The following PAK6 variants were observed in gnomAD, a reference collection of about 807,000 sequenced individuals.
The protein encoded by PAK6 is serine/threonine-protein kinase PAK 6.
PAK6 carries 33 observed loss-of-function variants against 60.8 expected under a neutral mutation model. The observed-to-expected ratio is 0.54, with a 90% confidence interval of 0.41 to 0.73. PAK6 has a LOEUF of 0.73. PAK6 is among the 30% of genes least tolerant of loss of function. The pLI is 0.00. For synonymous variants in PAK6, 404 were observed against 378.5 expected (o/e 1.07, Z -0.78); for missense variants, 845 against 904.1 (o/e 0.93, Z 0.84).
chr15:40,266,273 C>T (rs370838549), exon 5 of PAK6: 2 of 1,611,468 alleles, frequency 1.2e-6, no homozygotes, highest in African/African-American at 1.3e-5. Context: ...CCACGGGCAC[C>T]AATAGGCATG....
At chr15:40,266,006 C>T (rs1274592863) in exon 5 of PAK6, 2 of 1,600,936 alleles carry the variant, frequency 1.2e-6, no homozygotes, top group Non-Finnish European at 1.7e-6. Context: ...AGCACTGGGC[C>T]ACCGACCCAG....
intron 2 of PAK6, among the ~76,000 whole-genome samples, chr15:40,242,161 G>A (rs1342345967): frequency 6.6e-6 from 1 of 152,296 alleles, no homozygotes; most frequent in Admixed American, 6.5e-5. Flanking sequence ...GGCTGCCTGG[G>A]GTCCTGAGGG....
intron 2 of PAK6, among the ~76,000 whole-genome samples, chr15:40,241,598 C>T (rs920845871): frequency 2.6e-5 from 4 of 152,144 alleles, no homozygotes; most frequent in Non-Finnish European, 5.9e-5. Flanking sequence ...AGGGAAGGGT[C>T]GGCACCAGAG....
intron 3 of PAK6, among the ~76,000 whole-genome samples, chr15:40,261,074 G>C (rs899968691): frequency 6.6e-6 from 1 of 151,726 alleles, no homozygotes; most frequent in African/African-American, 2.4e-5. Context: ...AGTTTTAGTA[G>C]AGACGGGGTT....
At chr15:40,241,406 A>G (rs930823853) in intron 2 of PAK6, among the ~76,000 whole-genome samples, 12 of 152,252 alleles carry the variant, frequency 7.9e-5, no homozygotes, top group African/African-American at 2.9e-4. Context: ...GGATGAGCTT[A>G]GGAGCCGTGT....
intron 3 of PAK6, among the ~76,000 whole-genome samples, chr15:40,263,614 G>A (rs2039039677): frequency 6.6e-6 from 1 of 152,112 alleles, no homozygotes; most frequent in Non-Finnish European, 1.5e-5. Context: ...CAGGTTAAGT[G>A]TTTTATTGTT....
intron 2 of PAK6, chr15:40,252,200 C>T: frequency 9.0e-7 from 1 of 1,109,586 alleles, no homozygotes; most frequent in Non-Finnish European, 1.1e-6. Flanking sequence ...ACACGCGGCC[C>T]GCTCAGGTCC....
chr15:40,274,361 C>A, intron 10 of PAK6, 85 bp downstream of exon 10: 2 of 1,407,356 alleles, frequency 1.4e-6, no homozygotes, highest in Non-Finnish European at 1.9e-6. Context: ...CAGCATCTCC[C>A]TTCCACTGAA....
At chr15:40,260,085 T>C (rs1346147690) in intron 3 of PAK6, 2 of 152,092 alleles carry the variant, frequency 1.3e-5, no homozygotes, top group Non-Finnish European at 2.9e-5. Flanking sequence ...CTGGGACCCA[T>C]GACTGTGGAC....
exon 2 of PAK6, chr15:40,240,624 C>T: frequency 2.3e-6 from 1 of 430,358 alleles, no homozygotes; most frequent in Non-Finnish European, 4.5e-6. Context: ...GGGCTAGAGA[C>T]AAGCACCAGC....
intron 2 of PAK6, among the ~76,000 whole-genome samples, chr15:40,241,340 T>C (rs1448243595): frequency 6.6e-6 from 1 of 152,150 alleles, no homozygotes; most frequent in Non-Finnish European, 1.5e-5. Flanking sequence ...TTTGTGCCGT[T>C]CTGCCTGGGG....
chr15:40,258,400 T>C (rs901836689), intron 3 of PAK6: 9 of 152,290 alleles, frequency 5.9e-5, no homozygotes, highest in Admixed American at 4.6e-4. Context: ...AGTCATTTCC[T>C]GGTTCTGTGG....
chr15:40,274,955 A>T (rs2039408290), intron 10 of PAK6, among the ~76,000 whole-genome samples: 1 of 152,190 alleles, frequency 6.6e-6, no homozygotes, highest in African/African-American at 2.4e-5. Flanking sequence ...GCAAAAAAAC[A>T]AGAGTTCTGT....
At chr15:40,272,642 A>G (rs985255163) in exon 6 of PAK6, 1 of 1,608,700 alleles carries the variant, frequency 6.2e-7, no homozygotes, top group Non-Finnish European at 8.5e-7. Flanking sequence ...TTGGCCCGGG[A>G]GAAGCACTCG....
At chr15:40,265,022 T>C in intron 4 of PAK6, 33 bp downstream of exon 4, 10 of 1,591,558 alleles carry the variant, frequency 6.3e-6, no homozygotes, top group Non-Finnish European at 8.6e-6. Flanking sequence ...AGGTTCAGCC[T>C]CTCCCAGTAC....
At chr15:40,242,312 A>C (rs932625510) in intron 2 of PAK6, among the ~76,000 whole-genome samples, 2 of 152,244 alleles carry the variant, frequency 1.3e-5, no homozygotes, top group Admixed American at 1.3e-4. Flanking sequence ...AGAGATGCCC[A>C]CCGCACACAG....
chr15:40,266,082 G>A (rs373280531), exon 5 of PAK6: 44 of 1,610,020 alleles, frequency 2.7e-5, no homozygotes, highest in Admixed American at 8.4e-5. Flanking sequence ...CAGCTGCAAC[G>A]GGGGCACACC....
At chr15:40,262,123 C>T (rs1304750747) in intron 3 of PAK6, among the ~76,000 whole-genome samples, 1 of 152,166 alleles carries the variant, frequency 6.6e-6, no homozygotes, top group Admixed American at 6.5e-5. Context: ...CAGAAGATTT[C>T]ACAGAGCTAG....
chr15:40,261,558 T>A (rs956514467), intron 3 of PAK6, among the ~76,000 whole-genome samples: 12 of 151,930 alleles, frequency 7.9e-5, no homozygotes, highest in Non-Finnish European at 1.6e-4. Context: ...ATATATATAT[T>A]GACCTTGAAT....
Sources: allele counts gnomAD v4.1 joint callset (sites outside exome capture counted in the v4.1 genomes callset), GRCh38; gene constraint gnomAD v4.1.1; transcripts MANE v1.5; gene names NCBI Gene and HGNC (gene_info 2026-07-23, HGNC 2026-07-21).